The following SRD5A2 variants were observed in gnomAD, a reference collection of about 807,000 sequenced individuals.
The protein encoded by SRD5A2 is 3-oxo-5-alpha-steroid 4-dehydrogenase 2.
Under a neutral mutation model 27.4 loss-of-function variants are expected in SRD5A2, and 30 were observed. The observed-to-expected ratio is 1.10, with a 90% CI of 0.82 to 1.49. The LOEUF (loss-of-function observed/expected upper bound fraction) is 1.49, where lower values mean the gene tolerates loss of function less well. SRD5A2 is among the 40% of genes most tolerant of loss of function. SRD5A2 has a pLI of 0.00. For synonymous variants in SRD5A2, 141 were observed against 133.6 expected (o/e 1.06, Z -0.38); for missense variants, 348 against 323.4 (o/e 1.08, Z -0.58).
At chr2:31,592,401 C>T in the SRD5A2 span, among the ~76,000 whole-genome samples, 3 of 152,298 alleles carry the variant, frequency 2.0e-5, no homozygotes, top group South Asian at 2.1e-4. Flanking sequence ...TTTGAGAAAA[C>T]GAGTGCACTA....
the SRD5A2 span, among the ~76,000 whole-genome samples, chr2:31,621,709 G>A: frequency 6.6e-6 from 1 of 152,112 alleles, no homozygotes; most frequent in Admixed American, 6.6e-5. Context: ...ATAGCTCACT[G>A]TAACCTTGAA....
upstream of SRD5A2, among the ~76,000 whole-genome samples, chr2:31,585,142 A>T (rs1422067436): frequency 2.6e-5 from 4 of 152,262 alleles, no homozygotes; most frequent in Non-Finnish European, 4.4e-5. Context: ...TAATTCCAGC[A>T]GTCAGAATTT....
At chr2:31,552,170 C>G (rs1355527979) in intron 1 of SRD5A2, among the ~76,000 whole-genome samples, 1 of 150,350 alleles carries the variant, frequency 6.7e-6, no homozygotes, top group East Asian at 1.9e-4. Flanking sequence ...AATATACACA[C>G]CAAAATACCT....
intron 3 of SRD5A2, among the ~76,000 whole-genome samples, chr2:31,531,092 G>A (rs887536878): frequency 6.6e-6 from 1 of 152,166 alleles, no homozygotes; most frequent in Non-Finnish European, 1.5e-5. Context: ...GTAGGTAGCC[G>A]ATTCCAACCC....
chr2:31,618,021 C>T, the SRD5A2 span, among the ~76,000 whole-genome samples: 1 of 152,184 alleles, frequency 6.6e-6, no homozygotes, highest in Non-Finnish European at 1.5e-5. Context: ...ATACCTGAAA[C>T]TGGGTACTCT....
chr2:31,609,062 C>T, the SRD5A2 span, among the ~76,000 whole-genome samples: 1 of 152,100 alleles, frequency 6.6e-6, no homozygotes, highest in Non-Finnish European at 1.5e-5. Flanking sequence ...AGATCGCCAT[C>T]TGCAACCCAA....
the SRD5A2 span, among the ~76,000 whole-genome samples, chr2:31,619,410 T>C: frequency 1.1e-4 from 16 of 152,174 alleles, no homozygotes; most frequent in Admixed American, 1.0e-3. Flanking sequence ...TACACATGCA[T>C]GTGTCTTTAT....
At position 31,525,572 on chromosome 2, in the gene SRD5A2, C is replaced by T. The variant is rs1462161682; in HGVS notation, c.*624G>A. The T allele has an allele frequency of 4.4e-6, 1 of 225,630 alleles. No homozygotes were observed. Among genetic ancestry groups the T allele is most frequent in the Non-Finnish European group, 8.8e-6 (1 of 113,330 alleles). The allele number at this position is 225,630 out of a possible 1,614,324, so 14.0% of individuals were successfully genotyped here. A position where few individuals can be genotyped will look rare whatever the true frequency, so the allele number is the denominator to read the frequency against. ...GAGGCACTCATCAACTAAGACACTG[C>T]ACAAATTTGAAATGAGGTCAATGCA... On this transcript the variant is annotated 3_prime_UTR_variant, in exon 5 of 5. Transcript: ENST00000622030.
intron 1 of SRD5A2, among the ~76,000 whole-genome samples, chr2:31,575,063 A>C (rs1428809227): frequency 6.6e-6 from 1 of 152,376 alleles, no homozygotes; most frequent in South Asian, 2.1e-4. Flanking sequence ...ATTATGATTC[A>C]GGAACATCCT....
chr2:31,660,846 T>TA, the SRD5A2 span, among the ~76,000 whole-genome samples: 136 of 148,828 alleles, frequency 9.1e-4, 1 homozygote, highest in Middle Eastern at 0.014. Flanking sequence ...ATGCTGCTGT[T>TA]AAAAAAAAAA....
intron 1 of SRD5A2, among the ~76,000 whole-genome samples, chr2:31,539,969 T>C (rs1462958522): frequency 2.0e-5 from 3 of 152,116 alleles, no homozygotes; most frequent in Admixed American, 6.5e-5. Flanking sequence ...TAAAAATCAA[T>C]AGATGCCAAT....
At chr2:31,597,990 G>T in the SRD5A2 span, among the ~76,000 whole-genome samples, 17 of 152,008 alleles carry the variant, frequency 1.1e-4, no homozygotes, top group Non-Finnish European at 2.5e-4. Flanking sequence ...ATGGCAAAAA[G>T]ATACTTGCAC....
Position 31,524,347 on chromosome 2 carries a change from C to T in SRD5A2, c.*1849G>A, listed in dbSNP as rs1484531312. 11 of 227,074 alleles carry T rather than the reference C, an allele frequency of 4.8e-5. No homozygotes were observed. The highest frequency in any genetic ancestry group is 1.3e-3 in the Middle Eastern group (1 of 752). The allele number at this position is 227,074 out of a possible 1,614,324, so 14.1% of individuals were successfully genotyped here. On this transcript the variant is annotated 3_prime_UTR_variant, in exon 5 of 5. Coordinates refer to ENST00000622030, the MANE Select transcript of SRD5A2 (RefSeq NM_000348.4). ...TCTAACCTCATGACGTTTTCCTGCACCTTTATTGTACTTCCTTGTAGTTCT... is the reference window on the plus strand; with the variant it reads ...TCTAACCTCATGACGTTTTCCTGCATCTTTATTGTACTTCCTTGTAGTTCT...
Position 31,559,288 on chromosome 2 carries a change from A to G in SRD5A2, c.281+21332T>C, listed in dbSNP as rs191281448. Among the ~76,000 whole-genome samples, 204 of 152,360 alleles carry G rather than the reference A, an allele frequency of 1.3e-3. 1 individual carries two copies. The highest frequency in any genetic ancestry group is 3.4e-3 in the Admixed American group (52 of 15,306). On this transcript the variant is annotated intron_variant, in intron 1 of 4. Coordinates refer to ENST00000622030, the MANE Select transcript of SRD5A2 (RefSeq NM_000348.4). Reference sequence around the variant, plus strand: ...TTTCCAGATTTCAATCAAGAAAAAAATGAGTAAGCTGTCTGCAGAAAATCC... The same window carrying G: ...TTTCCAGATTTCAATCAAGAAAAAAGTGAGTAAGCTGTCTGCAGAAAATCC...
chr2:31,662,595 C>T, the SRD5A2 span, among the ~76,000 whole-genome samples: 459 of 152,214 alleles, frequency 3.0e-3, 4 homozygotes, highest in African/African-American at 0.01. Context: ...CATGAGAGAT[C>T]GTGCCTGGTC....
chr2:31,614,495 T>C, the SRD5A2 span, among the ~76,000 whole-genome samples: 1 of 152,184 alleles, frequency 6.6e-6, no homozygotes, highest in African/African-American at 2.4e-5. Flanking sequence ...GCATTGAGTG[T>C]CTGTGGTTTT....
rs1012083252 is a variant in SRD5A2 at position 31,549,810 on chromosome 2, A to G, written c.282-16044T>C. On this transcript the variant is annotated intron_variant, in intron 1 of 4. Coordinates refer to ENST00000622030, the MANE Select transcript of SRD5A2 (RefSeq NM_000348.4). ...AGGCTTCAACACCCATTTCTAAACC[A>G]TAGATAGGAAAACCAGAAAACTAGG... 3.8e-4 allele frequency among the ~76,000 whole-genome samples: 58 copies of G among 152,198 alleles called. 1 individual carries two copies. Among genetic ancestry groups the G allele is most frequent in the African/African-American group, 1.4e-3 (57 of 41,464 alleles).
chr2:31,582,604 C>T (rs562102562), upstream of SRD5A2, among the ~76,000 whole-genome samples: 3 of 152,260 alleles, frequency 2.0e-5, no homozygotes, highest in African/African-American at 4.8e-5. Flanking sequence ...CTACAACCTG[C>T]TTGTTGAAGA....
the SRD5A2 span, among the ~76,000 whole-genome samples, chr2:31,632,575 G>A: frequency 2.0e-5 from 3 of 152,084 alleles, no homozygotes; most frequent in Admixed American, 2.0e-4. Flanking sequence ...TGAGCGTTGG[G>A]GGCCAGAAGG....
Sources: gnomAD v4.1 joint callset for allele counts (sites outside exome capture counted in the v4.1 genomes callset) on GRCh38, gnomAD v4.1.1 for gene constraint, MANE v1.5 for transcripts, NCBI Gene and HGNC (gene_info 2026-07-23, HGNC 2026-07-21) for gene names.